The following NRG1 variants were observed in gnomAD, a reference collection of about 807,000 sequenced individuals.
NRG1 encodes neuregulin 1, also known as pro-neuregulin-1, membrane-bound isoform.
NRG1 carries 18 observed loss-of-function variants against 63.8 expected under a neutral mutation model. The observed-to-expected ratio is 0.28, with a 90% CI of 0.19 to 0.42. NRG1 has a LOEUF of 0.42. NRG1 is among the 10% of genes least tolerant of loss of function. The pLI is 1.00. For missense variants in NRG1, 762 were observed against 814.7 expected (o/e 0.94, Z 0.79); for synonymous variants, 302 against 301.3 (o/e 1.00, Z -0.02).
chr8:31,816,578 C>T (rs1490776359), intron 1 of NRG1, among the ~76,000 whole-genome samples: 1 of 152,176 alleles, frequency 6.6e-6, no homozygotes, highest in Non-Finnish European at 1.5e-5. Flanking sequence ...TATAAATAAT[C>T]TGGAGCATAT....
At position 31,640,440 on chromosome 8, in the gene NRG1, CGAGCCCGGG is replaced by C. The variant is rs1236266933; in HGVS notation, c.37+1013_37+1021del. 1 of 1,527,738 alleles carries C rather than the reference CGAGCCCGGG, an allele frequency of 6.5e-7. No individual in the cohort carries two copies. The highest frequency in any genetic ancestry group is 1.4e-5 in the African/African-American group (1 of 70,404). 94.6% of individuals were successfully genotyped at this position (1,527,738 alleles called of 1,614,324 possible). On this transcript the variant is annotated intron_variant, in intron 1 of 10. Coordinates refer to the NRG1 transcript ENST00000519301. This position sits in a 1 kb window ranked among gnomAD's most constrained non-coding sequence, Gnocchi z 6.3. ...CCACCGCCCCGGTGCCCAGCGCCGGCGAGCCCGGGGAGGAGGCGCCCTATCTGGTGAAGG... is the reference window on the plus strand; with the variant it reads ...CCACCGCCCCGGTGCCCAGCGCCGGCGAGGAGGCGCCCTATCTGGTGAAGG...
chr8:32,428,728 T>C (rs1009134639), intron 1 of NRG1, among the ~76,000 whole-genome samples: 5 of 152,176 alleles, frequency 3.3e-5, no homozygotes, highest in Non-Finnish European at 7.4e-5. Flanking sequence ...TCCCGGTTAT[T>C]GCATCACTCC....
At chr8:32,669,211 T>C (rs1237531494) in intron 5 of NRG1, among the ~76,000 whole-genome samples, 2 of 152,314 alleles carry the variant, frequency 1.3e-5, no homozygotes, top group African/African-American at 4.8e-5. Context: ...ATGAAAATTA[T>C]GGAGAAAAAA....
intron 1 of NRG1, among the ~76,000 whole-genome samples, chr8:32,483,553 A>G (rs1414929971): frequency 1.3e-5 from 2 of 152,184 alleles, no homozygotes; most frequent in Non-Finnish European, 1.5e-5. Flanking sequence ...CTTACATGTG[A>G]TAAGTCCATT....
At chr8:32,344,002 C>T (rs1050403947) in intron 1 of NRG1, among the ~76,000 whole-genome samples, 4 of 152,236 alleles carry the variant, frequency 2.6e-5, no homozygotes, top group South Asian at 2.1e-4. Flanking sequence ...TGATGACTCT[C>T]AAGCTCAGGT....
At chr8:31,673,668 G>A (rs116656252) in intron 1 of NRG1, among the ~76,000 whole-genome samples, 108 of 152,178 alleles carry the variant, frequency 7.1e-4, no homozygotes, top group African/African-American at 2.5e-3. Flanking sequence ...TTACTCTTTT[G>A]TCATGTTCTG....
intron 5 of NRG1, among the ~76,000 whole-genome samples, chr8:32,686,272 A>G (rs112643816): frequency 3.9e-5 from 6 of 152,352 alleles, no homozygotes; most frequent in African/African-American, 9.6e-5. Context: ...AGCACTACTC[A>G]TATTGAAAGT....
intron 1 of NRG1, among the ~76,000 whole-genome samples, chr8:32,448,485 CTCTTTTAGCTGG>C (rs1436706747): frequency 6.6e-6 from 1 of 152,104 alleles, no homozygotes; most frequent in African/African-American, 2.4e-5. Context: ...ATTGGAATTA[CTCTTTTAGCTGG>C]CCCGAGTCTG....
At chr8:32,726,303 G>A (rs1456666885) in intron 5 of NRG1, among the ~76,000 whole-genome samples, 1 of 151,824 alleles carries the variant, frequency 6.6e-6, no homozygotes, top group Admixed American at 6.6e-5. Flanking sequence ...ATTAATATTT[G>A]CTATTATTCA....
In NRG1 at chr8:31,894,958, T is replaced by TTA. The variant is rs1349719406; in HGVS notation, c.37+255528_37+255529dup. ...AGTGTTTAAAAACATCTCTGAGGAC[T>TTA]TACATATAACACCAGAAGGATTTAT... is the stretch of plus-strand genomic sequence containing the variant. On this transcript the variant is annotated intron_variant, in intron 1 of 10. Coordinates refer to the NRG1 transcript ENST00000519301. 5.9e-5 allele frequency among the ~76,000 whole-genome samples: 9 copies of TTA among 152,348 alleles called. No individual in the cohort carries two copies. In the South Asian group the frequency reaches 1.7e-3, roughly 28 times the overall value.
At chr8:31,902,034 T>G (rs1173325404) in intron 1 of NRG1, among the ~76,000 whole-genome samples, 1 of 152,200 alleles carries the variant, frequency 6.6e-6, no homozygotes, top group East Asian at 1.9e-4. Context: ...CAGATATTTA[T>G]GTTGTATTCA....
chr8:32,400,990 A>G (rs543525528), intron 1 of NRG1, among the ~76,000 whole-genome samples: 15 of 152,348 alleles, frequency 9.8e-5, no homozygotes, highest in Middle Eastern at 6.8e-3. Flanking sequence ...TGTCCTTTGC[A>G]GGAACATGGA....
chr8:31,675,643 T>C (rs1240960836), intron 1 of NRG1, among the ~76,000 whole-genome samples: 2 of 152,194 alleles, frequency 1.3e-5, no homozygotes, highest in Admixed American at 6.5e-5. Context: ...ACACTGGGCA[T>C]CATTGTACAT....
chr8:32,548,692 G>A, exon 1 of NRG1: 4 of 1,556,028 alleles, frequency 2.6e-6, no homozygotes, highest in Non-Finnish European at 2.6e-6. Flanking sequence ...CCTGCGCCGA[G>A]AGCCGTCCGC....
intron 1 of NRG1, among the ~76,000 whole-genome samples, chr8:32,172,745 G>A (rs1487098726): frequency 2.0e-5 from 3 of 152,116 alleles, no homozygotes; most frequent in Admixed American, 6.5e-5. Flanking sequence ...TATCAGTGAT[G>A]GAAGATGAAA....
At chr8:32,641,195 C>T (rs754594009) in intron 5 of NRG1, among the ~76,000 whole-genome samples, 17 of 150,748 alleles carry the variant, frequency 1.1e-4, no homozygotes, top group Non-Finnish European at 2.1e-4. Context: ...AAATTAATAT[C>T]AAGTTCAGAG....
At chr8:32,120,903 G>C (rs1457950625) in intron 1 of NRG1, among the ~76,000 whole-genome samples, 1 of 152,000 alleles carries the variant, frequency 6.6e-6, no homozygotes, top group Non-Finnish European at 1.5e-5. Flanking sequence ...ATAGGGCATG[G>C]TATAAACTCT....
chr8:32,741,954 A>G (rs1046834401), intron 6 of NRG1, 54 bp from the exon 7 acceptor site: 1 of 1,412,476 alleles, frequency 7.1e-7, no homozygotes, highest in East Asian at 2.3e-5. Flanking sequence ...TGCCAGTCTG[A>G]AAGCTCAGTG....
intron 1 of NRG1, among the ~76,000 whole-genome samples, chr8:31,962,860 C>A (rs937836618): frequency 9.9e-5 from 15 of 152,136 alleles, no homozygotes; most frequent in Admixed American, 6.5e-4. Context: ...AATGAGATGA[C>A]ATACTAGGGC....
Sources: allele counts gnomAD v4.1 joint callset (sites outside exome capture counted in the v4.1 genomes callset), GRCh38; gene constraint gnomAD v4.1.1; non-coding constraint Gnocchi (gnomAD v3.1); transcripts MANE v1.5; gene names NCBI Gene and HGNC (gene_info 2026-07-23, HGNC 2026-07-21).